The following MAGI1 variants were observed in gnomAD, a reference collection of about 807,000 sequenced individuals.
MAGI1 encodes membrane associated guanylate kinase, WW and PDZ domain containing 1, also known as membrane-associated guanylate kinase, WW and PDZ domain-containing protein 1.
A neutral mutation model predicts 139.9 loss-of-function variants in MAGI1; 58 were observed. The ratio of observed to expected loss-of-function variants is 0.41; its 90% CI spans 0.34 to 0.52. The LOEUF is 0.52. MAGI1 is among the 20% of genes least tolerant of loss of function. MAGI1 has a pLI of 0.12. For missense variants in MAGI1, 1,874 were observed against 1,901.6 expected (o/e 0.99, Z 0.27); for synonymous variants, 812 against 737.9 (o/e 1.10, Z -1.63).
At position 65,391,308 on chromosome 3, in the gene MAGI1, G is replaced by A. The variant is rs375524346; in HGVS notation, c.2250C>T (p.Ser750=). 1 of 1,614,042 alleles carries A rather than the reference G, an allele frequency of 6.2e-7. No individual in the cohort carries two copies. The highest frequency in any genetic ancestry group is 1.3e-5 in the African/African-American group (1 of 74,914). ...ATGCTGTGTGCAGGCTTCGGTGGCTGGAAACACTGTGCTGAGAACTATTCT... is the reference window on the plus strand; with the variant it reads ...ATGCTGTGTGCAGGCTTCGGTGGCTAGAAACACTGTGCTGAGAACTATTCT... ...DSQNSSQHSV[S]SHRSLHTASP... Residue 750 remains serine, a synonymous_variant, in exon 14 of 23, where the codon TCC becomes TCT. Transcript: ENST00000402939.
chr3:65,491,252 T>C (rs763622759), intron 3 of MAGI1, among the ~76,000 whole-genome samples: 2 of 152,226 alleles, frequency 1.3e-5, no homozygotes, highest in Non-Finnish European at 2.9e-5. Flanking sequence ...GAAATAGTTA[T>C]TTAATACCAC....
intron 1 of MAGI1, among the ~76,000 whole-genome samples, chr3:66,004,374 C>T (rs368928431): frequency 1.3e-5 from 2 of 152,096 alleles, no homozygotes; most frequent in African/African-American, 2.4e-5. Context: ...CACTGGCTGT[C>T]GGCCGAAACA....
intron 2 of MAGI1, among the ~76,000 whole-genome samples, chr3:65,560,211 A>G (rs1201170975): frequency 1.3e-5 from 2 of 152,232 alleles, no homozygotes; most frequent in African/African-American, 4.8e-5. Flanking sequence ...TTGATTTTCT[A>G]TCACTTTAGT....
At chr3:65,587,459 T>C (rs1298101502) in intron 2 of MAGI1, among the ~76,000 whole-genome samples, 1 of 151,828 alleles carries the variant, frequency 6.6e-6, no homozygotes, top group Non-Finnish European at 1.5e-5. Flanking sequence ...TTTGCCATTT[T>C]ATTTTATTAT....
rs115516991 is a variant in MAGI1 at position 65,679,348 on chromosome 3, A to G, written c.314-57260T>C. ...ATAAGAGCTATAGCTGACATTTCCT[A>G]AGGATTCTTTGATAAATTTCATCAC... On this transcript the variant is annotated intron_variant, in intron 1 of 22. Coordinates refer to ENST00000402939, the MANE Select transcript of MAGI1 (RefSeq NM_001033057.2). Among the ~76,000 whole-genome samples, 1,164 of 152,204 alleles carry G rather than the reference A, an allele frequency of 7.6e-3. 11 individuals carry two copies. Among genetic ancestry groups the G allele is most frequent in the African/African-American group, 0.027 (1,106 of 41,530 alleles).
At chr3:65,444,639 A>G (rs1226745051) in intron 7 of MAGI1, among the ~76,000 whole-genome samples, 2 of 152,106 alleles carry the variant, frequency 1.3e-5, no homozygotes, top group Non-Finnish European at 2.9e-5. Context: ...ACAAAGACAA[A>G]CGCAAGTGCA....
chr3:65,874,203 T>A lies in MAGI1; in HGVS notation c.313+163793A>T, dbSNP rs565102687. ...CAGAAGGCTGGGGTGGGAAGATCAT[T>A]TGGACCCAGGAGGTGGTGGTTGTAG... On this transcript the variant is annotated intron_variant, in intron 1 of 22. Transcript: ENST00000402939. The A allele has an allele frequency of 2.0e-5, 3 of 152,178 alleles. No homozygotes were observed. The South Asian group carries it at 6.2e-4, about 32-fold the overall frequency. 9.4% of individuals were successfully genotyped at this position (152,178 alleles called of 1,614,324 possible).
intron 1 of MAGI1, among the ~76,000 whole-genome samples, chr3:66,022,073 C>A (rs1022639641): frequency 1.6e-4 from 24 of 152,130 alleles, no homozygotes; most frequent in South Asian, 4.1e-4. Context: ...CAGGGTGACT[C>A]ACCATGTTGT....
At chr3:65,627,002 T>C (rs1292631677) in intron 1 of MAGI1, among the ~76,000 whole-genome samples, 2 of 152,144 alleles carry the variant, frequency 1.3e-5, no homozygotes, top group South Asian at 2.1e-4. Context: ...ATTTTGTAAA[T>C]AGAAAAGAGA....
At chr3:65,815,599 C>G (rs2041549860) in intron 1 of MAGI1, among the ~76,000 whole-genome samples, 1 of 151,962 alleles carries the variant, frequency 6.6e-6, no homozygotes, top group Non-Finnish European at 1.5e-5. Flanking sequence ...ATTATCTTAG[C>G]AAGAATGTTA....
At chr3:65,649,962 A>G (rs1465354585) in intron 1 of MAGI1, among the ~76,000 whole-genome samples, 2 of 152,186 alleles carry the variant, frequency 1.3e-5, no homozygotes, top group Admixed American at 6.5e-5. Flanking sequence ...AAATACCTAA[A>G]CACAACTACC....
At chr3:65,956,200 G>A (rs763673493) in intron 1 of MAGI1, among the ~76,000 whole-genome samples, 9 of 152,112 alleles carry the variant, frequency 5.9e-5, no homozygotes, top group Non-Finnish European at 1.2e-4. Context: ...GTAGCTAGCC[G>A]CATCTTCCTG....
intron 15 of MAGI1, 132 bp downstream of exon 15, chr3:65,383,400 C>G: frequency 1.5e-6 from 1 of 670,804 alleles, no homozygotes; most frequent in African/African-American, 1.8e-5. Context: ...AATGAGAAAC[C>G]CACACTACTC....
intron 2 of MAGI1, among the ~76,000 whole-genome samples, chr3:65,516,818 C>A (rs1430998294): frequency 2.1e-5 from 3 of 145,558 alleles, no homozygotes; most frequent in African/African-American, 7.6e-5. Flanking sequence ...AGCTCCGCCT[C>A]CCGGGTTCAC....
chr3:66,005,658 G>C (rs1244071209), intron 1 of MAGI1, among the ~76,000 whole-genome samples: 1 of 152,090 alleles, frequency 6.6e-6, no homozygotes, highest in Non-Finnish European at 1.5e-5. Flanking sequence ...GAGTGGAAGG[G>C]GGGAAATCAA....
At chr3:65,828,520 T>C (rs907175816) in intron 1 of MAGI1, among the ~76,000 whole-genome samples, 2 of 152,160 alleles carry the variant, frequency 1.3e-5, no homozygotes, top group African/African-American at 4.8e-5. Context: ...ATGAGCCCTA[T>C]TGATGTCACT....
intron 1 of MAGI1, among the ~76,000 whole-genome samples, chr3:66,034,802 G>A (rs1450769480): frequency 1.3e-5 from 2 of 152,022 alleles, no homozygotes; most frequent in Non-Finnish European, 2.9e-5. Flanking sequence ...ATATTTTGTT[G>A]AGTAACAAAA....
intron 1 of MAGI1, among the ~76,000 whole-genome samples, chr3:65,677,002 G>A (rs1317900581): frequency 6.6e-6 from 1 of 152,134 alleles, no homozygotes; most frequent in Non-Finnish European, 1.5e-5. Flanking sequence ...CGTGCTCTTG[G>A]TATTTTATTA....
At chr3:65,565,600 T>C (rs1381974278) in intron 2 of MAGI1, among the ~76,000 whole-genome samples, 1 of 152,102 alleles carries the variant, frequency 6.6e-6, no homozygotes, top group Non-Finnish European at 1.5e-5. Flanking sequence ...CTCATGACTG[T>C]AATCCCAGCA....
Sources: gnomAD v4.1 joint callset for allele counts (sites outside exome capture counted in the v4.1 genomes callset) on GRCh38, gnomAD v4.1.1 for gene constraint, MANE v1.5 for transcripts, NCBI Gene and HGNC (gene_info 2026-07-23, HGNC 2026-07-21) for gene names.